TTI1: variants seen among roughly 807,000 people sequenced by gnomAD.
TTI1 encodes TELO2-interacting protein 1 homolog.
TTI1 carries 52 observed loss-of-function variants against 85.4 expected under a neutral mutation model. The observed-to-expected ratio is 0.61, with a 90% CI of 0.49 to 0.77. The LOEUF (loss-of-function observed/expected upper bound fraction) is 0.77. Ranked by LOEUF, TTI1 falls within the 30% of genes least tolerant of loss-of-function variation. The pLI, the probability that TTI1 is intolerant of heterozygous loss-of-function variation, is 0.00. For missense variants in TTI1, 1,173 were observed against 1,296.0 expected, an observed-to-expected ratio of 0.91 and a Z score of 1.46; for synonymous variants, 512 against 503.9, an observed-to-expected ratio of 1.02 and a Z score of -0.22.
At chr20:38,015,328 G>A (rs1374393263) in intron 1 of TTI1, among the ~76,000 whole-genome samples, 1 of 152,120 alleles carries the variant, frequency 6.6e-6, no homozygotes, top group Admixed American at 6.5e-5. Context: ...TGCTCTCTGT[G>A]GCCCCAAGAA....
chr20:38,015,639 TTAA>T (rs752189514), intron 1 of TTI1, among the ~76,000 whole-genome samples: 11 of 151,906 alleles, frequency 7.2e-5, no homozygotes, highest in African/African-American at 1.9e-4. Flanking sequence ...GATAAGAATT[TTAA>T]TAATAATAAT....
Position 38,020,350 on chromosome 20 carries a change from A to ATATATG in TTI1, c.-41-6494_-41-6493insCATATA, listed in dbSNP as rs1487473454. The stretch of plus-strand genomic sequence containing the variant: ...TATATATATATATATATATATATAT[A>ATATATG]TATGTATGTATCTTGATTCCATCAC... On this transcript the variant is annotated intron_variant, in intron 1 of 7. Coordinates refer to ENST00000373447, the MANE Select transcript of TTI1 (RefSeq NM_001303457.2). 4.0e-4 allele frequency among the ~76,000 whole-genome samples: 50 copies of ATATATG among 125,838 alleles called. No individual in the cohort carries two copies. In the East Asian group the frequency reaches 1.0e-2, roughly 25 times the overall value. 82.6% of individuals were successfully genotyped at this position (125,838 alleles called of 152,430 possible). A position where few individuals can be genotyped will look rare whatever the true frequency, so the allele number is the denominator to read the frequency against.
intron 7 of TTI1, among the ~76,000 whole-genome samples, chr20:37,993,733 T>C (rs936201881): frequency 2.0e-5 from 3 of 152,238 alleles, no homozygotes; most frequent in African/African-American, 7.2e-5. Flanking sequence ...AAGCTGGTCA[T>C]CTGCCTAGGG....
chr20:38,022,628 G>C, intron 1 of TTI1, among the ~76,000 whole-genome samples: 1 of 152,086 alleles, frequency 6.6e-6, no homozygotes, highest in South Asian at 2.1e-4. Context: ...TTTTCCTACA[G>C]GTAGTTGATC....
At chr20:37,985,981 G>A (rs2073185626) in intron 7 of TTI1, among the ~76,000 whole-genome samples, 1 of 152,164 alleles carries the variant, frequency 6.6e-6, no homozygotes, top group Non-Finnish European at 1.5e-5. Context: ...TGAGGCCTGC[G>A]TGGGAGACAA....
chr20:38,029,391 A>G lies in TTI1; in HGVS notation c.-42+4013T>C, dbSNP rs2122657012. Among the ~76,000 whole-genome samples the G allele has an allele frequency of 2.0e-5, 3 of 152,238 alleles. No homozygotes were observed. The Middle Eastern group carries it at 0.01, about 518-fold the overall frequency. ...CAAACGAAAAAGGTAAACTCCTACC[A>G]CAAGAACCTAGACAAAGTAGAGCAA... On this transcript the variant is annotated intron_variant, in intron 1 of 7. Coordinates refer to ENST00000373447, the MANE Select transcript of TTI1 (RefSeq NM_001303457.2).
intron 7 of TTI1, among the ~76,000 whole-genome samples, chr20:37,986,715 T>C (rs2073194881): frequency 2.6e-5 from 4 of 152,182 alleles, no homozygotes; most frequent in Admixed American, 1.3e-4. Context: ...CACTTTGAAG[T>C]ATATGATGAA....
rs2073588193 is a variant in TTI1, at chr20:38,011,555, A to G, written c.2262T>C (p.Ala754=). ...GAGCATGCAGAACGCTGACAAAGGA[A>G]GCAGCTCTCTTATCGTAAAATTGGT... ...TLDQFYDKRA[A]SFVSVLHALM... Residue 754 remains alanine (A), a synonymous_variant, in exon 2 of 8, where the codon GCT becomes GCC. Transcript: ENST00000373447. 2.5e-6 allele frequency: 4 copies of G among 1,614,110 alleles called. No homozygotes were observed. Among genetic ancestry groups the G allele is most frequent in the African/African-American group, 1.3e-5 (1 of 74,936 alleles).
intron 7 of TTI1, among the ~76,000 whole-genome samples, chr20:37,988,111 G>C (rs929960836): frequency 2.0e-5 from 3 of 152,206 alleles, no homozygotes; most frequent in Non-Finnish European, 4.4e-5. Flanking sequence ...CTGCCCTCAG[G>C]GCTCCCTGTC....
Position 38,002,794 on chromosome 20 carries a change from C to G in TTI1, c.2504-18G>C, listed in dbSNP as rs552453235. Reference sequence around the variant, plus strand: ...CTGTTCCTCTGGAAAAAGAGCACAACTGGGGGCAGTGTTGTATGAGTGATA... The same window carrying G: ...CTGTTCCTCTGGAAAAAGAGCACAAGTGGGGGCAGTGTTGTATGAGTGATA... On this transcript the variant is annotated intron_variant, in intron 3 of 7. Transcript: ENST00000373447. 3.8e-5 allele frequency: 62 copies of G among 1,612,816 alleles called. No homozygotes were observed. The highest frequency in any genetic ancestry group is 8.3e-5 in the Admixed American group (5 of 60,006).
Position 38,011,627 on chromosome 20 carries a change from C to T in TTI1, c.2190G>A (p.Leu730=), listed in dbSNP as rs1410363468. The T allele has an allele frequency of 1.2e-6, 2 of 1,614,098 alleles. No homozygotes were observed. Among genetic ancestry groups the T allele is most frequent in the Non-Finnish European group, 1.7e-6 (2 of 1,180,048 alleles). The change falls in exon 2 of 8, where the codon CTG becomes CTA. Residue 730 remains leucine, a synonymous_variant. Coordinates refer to ENST00000373447, the MANE Select transcript of TTI1 (RefSeq NM_001303457.2). ...GAACCACATCTGCCACCAAAGGAAG[C>T]AGGTTAGCATCTGAGTTCCGCAGCA... ...EVMLRNSDAN[L]LPLVADVVQD... is the part of the protein sequence containing the mutation.
intron 3 of TTI1, 42 bp from the exon 4 acceptor site, chr20:38,002,818 T>C (rs748118186): frequency 1.6e-5 from 26 of 1,600,544 alleles, no homozygotes; most frequent in Non-Finnish European, 2.1e-5. Context: ...GTATGAGTGA[T>C]AAAACAGAGA....
At chr20:37,989,751 T>C (rs2073237953) in intron 7 of TTI1, among the ~76,000 whole-genome samples, 1 of 152,220 alleles carries the variant, frequency 6.6e-6, no homozygotes. Flanking sequence ...AAAGACATCT[T>C]CATAGCAGCC....
rs748019313 is a variant in TTI1, at chr20:38,012,573, A to AT, written c.1243dup (p.Ile415AsnfsTer28). 33 of 1,614,048 alleles carry AT rather than the reference A, an allele frequency of 2.0e-5. No individual in the cohort carries two copies. The highest frequency in any genetic ancestry group is 2.7e-5 in the Non-Finnish European group (32 of 1,180,046). On this transcript the variant is annotated frameshift_variant, in exon 2 of 8. Coordinates refer to ENST00000373447, the MANE Select transcript of TTI1 (RefSeq NM_001303457.2). LOFTEE classifies it high-confidence loss of function. ...GGCCACAGAGTTGAGGACAAAGTTT[A>AT]TTTTTGGGCCCAAGAGTTTCAGATA... is the stretch of plus-strand genomic sequence containing the variant.
At position 38,013,507 on chromosome 20, in the gene TTI1, G is replaced by A; in HGVS notation, c.310C>T (p.Leu104=). The change falls in exon 2 of 8, where the codon CTG becomes TTG. Residue 104 remains leucine, a synonymous_variant. Coordinates refer to ENST00000373447, the MANE Select transcript of TTI1 (RefSeq NM_001303457.2). The part of the protein sequence containing the change: ...QELFSELSAC[L]YSPSSQKPAA... Reference sequence around the variant, plus strand: ...GGTTTTTGGGAGCTGGGTGAATACAGACAAGCAGAGAGTTCTGAAAAGAGT... The same window carrying A: ...GGTTTTTGGGAGCTGGGTGAATACAAACAAGCAGAGAGTTCTGAAAAGAGT... The A allele has an allele frequency of 6.2e-7, 1 of 1,614,120 alleles. No individual in the cohort carries two copies. Among genetic ancestry groups the A allele is most frequent in the Non-Finnish European group, 8.5e-7 (1 of 1,180,044 alleles).
chr20:37,984,590 T>C (rs765049827), intron 7 of TTI1, among the ~76,000 whole-genome samples: 3 of 152,188 alleles, frequency 2.0e-5, no homozygotes, highest in Non-Finnish European at 4.4e-5. Context: ...CCTCCTGCAG[T>C]GAGCAGGGCC....
chr20:37,995,286 A>G (rs2073323038), intron 7 of TTI1, among the ~76,000 whole-genome samples: 1 of 152,238 alleles, frequency 6.6e-6, no homozygotes, highest in Non-Finnish European at 1.5e-5. Flanking sequence ...ACAGCAAAGG[A>G]CAATAAATCA....
At chr20:37,989,164 T>C (rs890261287) in intron 7 of TTI1, among the ~76,000 whole-genome samples, 3 of 152,184 alleles carry the variant, frequency 2.0e-5, no homozygotes, top group African/African-American at 7.2e-5. Flanking sequence ...GAAGCAACGA[T>C]TTACTCTCCA....
At chr20:38,020,350 ATATGTATG>A (rs1279552871) in intron 1 of TTI1, among the ~76,000 whole-genome samples, 1 of 125,854 alleles carries the variant, frequency 7.9e-6, no homozygotes, top group Non-Finnish European at 1.7e-5. Context: ...ATATATATAT[ATATGTATG>A]TATCTTGATT....
Sources: gnomAD v4.1 joint callset for allele counts (sites outside exome capture counted in the v4.1 genomes callset) on GRCh38, gnomAD v4.1.1 for gene constraint, MANE v1.5 for transcripts, NCBI Gene and HGNC (gene_info 2026-07-23, HGNC 2026-07-21) for gene names.